The following ZMAT4 variants were observed in gnomAD, a reference collection of about 807,000 sequenced individuals.
The protein encoded by ZMAT4 is zinc finger matrin-type protein 4.
Under a neutral mutation model 28.7 loss-of-function variants are expected in ZMAT4, and 17 were observed. The observed-to-expected ratio is 0.59, with a 90% confidence interval of 0.41 to 0.89. The LOEUF is 0.89. Ranked by LOEUF, ZMAT4 falls within the 40% of genes least tolerant of loss-of-function variation. The pLI is 0.00. For synonymous variants in ZMAT4, 117 were observed against 109.2 expected, an observed-to-expected ratio of 1.07 and a Z score of -0.44; for missense variants, 240 against 283.8, an observed-to-expected ratio of 0.85 and a Z score of 1.11.
At chr8:40,572,412 A>G (rs909438399) in intron 6 of ZMAT4, among the ~76,000 whole-genome samples, 3 of 152,110 alleles carry the variant, frequency 2.0e-5, no homozygotes, top group African/African-American at 7.2e-5. Context: ...AGAAATTACT[A>G]CTAATTTTTG....
At chr8:40,835,344 G>C (rs974358336) in intron 1 of ZMAT4, among the ~76,000 whole-genome samples, 2 of 152,114 alleles carry the variant, frequency 1.3e-5, no homozygotes, top group African/African-American at 4.8e-5. Context: ...ACACCAAAGG[G>C]CTGTGCACCC....
intron 5 of ZMAT4, among the ~76,000 whole-genome samples, chr8:40,596,001 T>G (rs1004096175): frequency 1.3e-5 from 2 of 152,180 alleles, no homozygotes; most frequent in African/African-American, 4.8e-5. Context: ...GGAGAATCAC[T>G]TGAACCCAGG....
chr8:40,642,285 G>A (rs1295101673), intron 5 of ZMAT4, among the ~76,000 whole-genome samples: 4 of 152,150 alleles, frequency 2.6e-5, no homozygotes, highest in South Asian at 2.1e-4. Flanking sequence ...ACCAAATGGC[G>A]CACTGTTCTA....
intron 5 of ZMAT4, among the ~76,000 whole-genome samples, chr8:40,672,282 C>T (rs1177261712): frequency 6.6e-6 from 1 of 152,038 alleles, no homozygotes; most frequent in Non-Finnish European, 1.5e-5. Flanking sequence ...ATTGATTGAT[C>T]ATACATTAGA....
intron 1 of ZMAT4, among the ~76,000 whole-genome samples, chr8:40,851,982 C>T (rs985368684): frequency 9.2e-5 from 14 of 152,176 alleles, no homozygotes; most frequent in Middle Eastern, 3.4e-3. Context: ...CTGCAGCCTC[C>T]GCCTCCAGGG....
intron 2 of ZMAT4, among the ~76,000 whole-genome samples, chr8:40,822,337 C>G (rs1815860716): frequency 6.6e-6 from 1 of 152,196 alleles, no homozygotes. Flanking sequence ...TGGATTCTCA[C>G]TGATTTGCCC....
chr8:40,862,051 C>G (rs990117337), intron 1 of ZMAT4, among the ~76,000 whole-genome samples: 3 of 152,106 alleles, frequency 2.0e-5, no homozygotes, highest in Non-Finnish European at 4.4e-5. Context: ...ACCGTAAGAC[C>G]CAGCCATCCC....
At chr8:40,610,937 A>ATT (rs56980207) in intron 5 of ZMAT4, among the ~76,000 whole-genome samples, 3,104 of 146,464 alleles carry the variant, frequency 0.021, 33 homozygotes, top group Admixed American at 0.027. Context: ...GCCCTTTTGC[A>ATT]TTTTTTTTTT....
intron 1 of ZMAT4, among the ~76,000 whole-genome samples, chr8:40,844,277 C>T (rs1457724149): frequency 6.6e-6 from 1 of 152,140 alleles, no homozygotes; most frequent in African/African-American, 2.4e-5. Flanking sequence ...TGATGGCGTT[C>T]CCAGAAGAGA....
At chr8:40,762,907 T>C (rs1449337041) in intron 3 of ZMAT4, among the ~76,000 whole-genome samples, 2 of 152,190 alleles carry the variant, frequency 1.3e-5, no homozygotes, top group Non-Finnish European at 2.9e-5. Flanking sequence ...TAGTCAACAG[T>C]GCTAGAACTT....
chr8:40,774,108 A>C (rs6989682), intron 2 of ZMAT4, among the ~76,000 whole-genome samples: 124,542 of 152,048 alleles, frequency 0.82, 52,523 homozygotes, highest in Non-Finnish European at 0.94. Context: ...TAAGAAGAAA[A>C]CCACAAAGTA....
intron 1 of ZMAT4, among the ~76,000 whole-genome samples, chr8:40,845,880 G>A (rs1314826318): frequency 6.6e-6 from 1 of 151,760 alleles, no homozygotes; most frequent in Non-Finnish European, 1.5e-5. Context: ...ATTAGGAGCG[G>A]CCCCAAAAGA....
intron 5 of ZMAT4, among the ~76,000 whole-genome samples, chr8:40,648,496 C>T (rs537969405): frequency 4.5e-4 from 68 of 151,150 alleles, no homozygotes; most frequent in Middle Eastern, 3.4e-3. Flanking sequence ...TTGGAAAACA[C>T]GCTGCAGGAT....
At chr8:40,541,229 TTA>T (rs1563332247) in intron 6 of ZMAT4, among the ~76,000 whole-genome samples, 1 of 152,160 alleles carries the variant, frequency 6.6e-6, no homozygotes. Flanking sequence ...AATTACTAAG[TTA>T]TATAATTGGC....
In ZMAT4 at chr8:40,733,580, A is replaced by G. The variant is rs551441657; in HGVS notation, c.192+34061T>C. On this transcript the variant is annotated intron_variant, in intron 3 of 6. Transcript: ENST00000297737. The stretch of plus-strand genomic sequence containing the variant: ...TTGTTGAGCAGTCATAGCCTATTAC[A>G]AGTTGTGTCAAGACAATTTCAGGGA... Among the ~76,000 whole-genome samples, 28 of 151,830 alleles carry G rather than the reference A, an allele frequency of 1.8e-4. No individual in the cohort carries two copies. In the South Asian group the frequency reaches 3.3e-3, roughly 18 times the overall value.
intron 2 of ZMAT4, among the ~76,000 whole-genome samples, chr8:40,777,570 G>A (rs537702116): frequency 6.6e-6 from 1 of 152,348 alleles, no homozygotes; most frequent in African/African-American, 2.4e-5. Context: ...ACTGGTGAGG[G>A]CAAGCCTGAA....
At chr8:40,862,579 A>G (rs1490040984) in intron 1 of ZMAT4, among the ~76,000 whole-genome samples, 2 of 112,692 alleles carry the variant, frequency 1.8e-5, no homozygotes, top group African/African-American at 7.1e-5. Context: ...ATAAAAAAAA[A>G]AAATTAAAAA....
chr8:40,570,230 T>C (rs1212924006), intron 6 of ZMAT4, among the ~76,000 whole-genome samples: 2 of 151,712 alleles, frequency 1.3e-5, no homozygotes, highest in African/African-American at 4.8e-5. Context: ...GTGATGGGGG[T>C]AGGAAATTGG....
At chr8:40,683,561 T>C (rs1809266892) in intron 4 of ZMAT4, among the ~76,000 whole-genome samples, 1 of 152,190 alleles carries the variant, frequency 6.6e-6, no homozygotes. Context: ...TACATTCCTT[T>C]TGATTATTTT....
Sources: gnomAD v4.1 joint callset for allele counts (sites outside exome capture counted in the v4.1 genomes callset) on GRCh38, gnomAD v4.1.1 for gene constraint, MANE v1.5 for transcripts, NCBI Gene and HGNC (gene_info 2026-07-23, HGNC 2026-07-21) for gene names.